The following EPC1 variants were observed in gnomAD, a reference collection of about 807,000 sequenced individuals.
EPC1 encodes the protein enhancer of polycomb 1.
In EPC1, 12 loss-of-function variants were observed where a neutral mutation model predicts 98.4. The ratio of observed to expected loss-of-function variants is 0.12; its 90% CI spans 0.08 to 0.20. The LOEUF is 0.20. EPC1 is among the 10% of genes least tolerant of loss of function. EPC1 has a pLI of 1.00. For missense variants in EPC1, 729 were observed against 990.5 expected (o/e 0.74, Z 3.54); for synonymous variants, 357 against 363.9 (o/e 0.98, Z 0.21).
chr10:32,269,362 T>C (rs1835726995), intron 13 of EPC1: 2 of 404,764 alleles, frequency 4.9e-6, no homozygotes, highest in Non-Finnish European at 9.0e-6. Flanking sequence ...ATCAAAATTA[T>C]AGTAGTACTC....
intron 1 of EPC1, among the ~76,000 whole-genome samples, chr10:32,336,069 T>TTC (rs1272210241): frequency 1.8e-4 from 9 of 50,936 alleles, no homozygotes; most frequent in African/African-American, 2.9e-4. Context: ...TACCTTTTCT[T>TTC]TTTTTTTTTT....
At position 32,271,901 on chromosome 10, in the gene EPC1, T is replaced by C; in HGVS notation, c.2022A>G (p.Leu674=). Residue 674 remains leucine, a synonymous_variant, in exon 13 of 14, where the codon TTA becomes TTG. Coordinates refer to ENST00000319778, the MANE Select transcript of EPC1 (RefSeq NM_001272004.3). Reference sequence around the variant, plus strand: ...CTGTTGGTGTAGTACTACTGAGGTGTAAGCCCTTGTATACTCCTAGAGAGA... The same window carrying C: ...CTGTTGGTGTAGTACTACTGAGGTGCAAGCCCTTGTATACTCCTAGAGAGA... ...VLPASGVYKG[L]HLSSTTPTAL... 1 of 1,613,900 alleles carries C rather than the reference T, an allele frequency of 6.2e-7. No homozygotes were observed.
In EPC1 at chr10:32,305,663, C is replaced by T. The variant is rs954625982; in HGVS notation, c.313+109G>A. On this transcript the variant is annotated intron_variant, in intron 2 of 13. Transcript: ENST00000319778. ...GACTCTACTAACTCTTAAGCTGATG[C>T]TGGTCAATGAAACAAATAACAAAAA... 5.0e-6 allele frequency: 4 copies of T among 799,980 alleles called. No homozygotes were observed. The African/African-American group carries it at 5.4e-5, about 11-fold the overall frequency. The allele number at this position is 799,980 out of a possible 1,614,324, so 49.6% of individuals were successfully genotyped here. A position where few individuals can be genotyped will look rare whatever the true frequency, so the allele number is the denominator to read the frequency against.
Position 32,305,772 on chromosome 10 carries a change from G to T in EPC1, c.313C>A (p.Pro105Thr). 6.3e-7 allele frequency: 1 copy of T among 1,587,932 alleles called. No homozygotes were observed. The highest frequency in any genetic ancestry group is 1.2e-5 in the South Asian group (1 of 85,754). The change falls in exon 2 of 14, where the codon CCT becomes ACT. Residue 105 changes from proline to threonine, a missense_variant and splice_region_variant. Transcript: ENST00000319778. ...KMPKQLIHIQ[P>T]FSLDAEQPDY... ...AATCATTAAGAGAATCATTACTTAC[G>T]CTGTATGTGAATGAGCTGCTTTGGC...
intron 6 of EPC1, 91 bp downstream of exon 6, chr10:32,291,072 C>T (rs545288485): frequency 9.7e-6 from 12 of 1,231,868 alleles, no homozygotes; most frequent in South Asian, 4.2e-5. Context: ...CCACTGTGCC[C>T]GGCCTATGTG....
At chr10:32,345,836 T>A (rs183016743) in intron 1 of EPC1, among the ~76,000 whole-genome samples, 27 of 152,326 alleles carry the variant, frequency 1.8e-4, no homozygotes, top group African/African-American at 5.3e-4. Context: ...TCCTTCGAAA[T>A]TTAGATCTAT....
At chr10:32,283,661 G>A (rs1836519950) in intron 10 of EPC1, 1 of 152,150 alleles carries the variant, frequency 6.6e-6, no homozygotes, top group African/African-American at 2.4e-5. Context: ...TAAGAATGAA[G>A]TACAGAATAC....
intron 2 of EPC1, among the ~76,000 whole-genome samples, chr10:32,304,008 A>G (rs548178620): frequency 1.3e-5 from 2 of 152,356 alleles, no homozygotes; most frequent in South Asian, 2.1e-4. Context: ...CAAAGTATAC[A>G]TCTTTCCAAA....
intron 1 of EPC1, among the ~76,000 whole-genome samples, chr10:32,328,499 T>C (rs997789985): frequency 1.3e-5 from 2 of 152,200 alleles, no homozygotes; most frequent in African/African-American, 4.8e-5. Flanking sequence ...CAACTTTCTA[T>C]AGGAAGCAGG....
At chr10:32,367,737 A>G (rs942455259) in intron 1 of EPC1, among the ~76,000 whole-genome samples, 1 of 152,206 alleles carries the variant, frequency 6.6e-6, no homozygotes, top group Non-Finnish European at 1.5e-5. Context: ...GTTTGTATTT[A>G]TTTGAAAGGA....
In EPC1 at chr10:32,272,050, C is replaced by A. The variant is rs773353774; in HGVS notation, c.1981G>T (p.Val661Leu). 2.5e-6 allele frequency: 4 copies of A among 1,613,608 alleles called. No homozygotes were observed. The highest frequency in any genetic ancestry group is 1.1e-5 in the South Asian group (1 of 90,946). ...MKDDVVLGIG[V>L]NGVLPASGVY... ...CCTGAGGCTGGAAGGACGCCATTCA[C>A]CCCGATTCCAAGCACCACATCATCC... Residue 661 changes from valine (V) to leucine (L), a missense_variant, in exon 12 of 14, where the codon GTG becomes TTG. By Grantham distance (32) the Val-to-Leu change is conservative. Transcript: ENST00000319778.
intron 1 of EPC1, among the ~76,000 whole-genome samples, chr10:32,372,972 T>C (rs1395154601): frequency 6.6e-6 from 1 of 152,180 alleles, no homozygotes; most frequent in African/African-American, 2.4e-5. Flanking sequence ...TGCAATGAGC[T>C]GAGATTGTGC....
intron 1 of EPC1, among the ~76,000 whole-genome samples, chr10:32,362,857 GTGAAGCAGTACCCTTAA>G (rs1839483053): frequency 6.6e-6 from 1 of 152,078 alleles, no homozygotes; most frequent in South Asian, 2.1e-4. Context: ...TGCTGCAGAA[GTGAAGCAGTACCCTTAA>G]GGCAGGAAGC....
At position 32,287,210 on chromosome 10, in the gene EPC1, G is replaced by A. The variant is rs772482957; in HGVS notation, c.1040C>T (p.Ser347Leu). The A allele has an allele frequency of 5.0e-6, 8 of 1,614,160 alleles. No homozygotes were observed. Among genetic ancestry groups the A allele is most frequent in the Admixed American group, 3.3e-5 (2 of 60,026 alleles). The change falls in exon 7 of 14, where the codon TCG (serine) becomes TTG (leucine). Residue 347 changes from serine to leucine, a missense_variant. Transcript: ENST00000319778. ...CTGTTGGGGAGTAGCAGCGGCAGACGATGGTAAGACTTTGGGCTTCTTTTC... is the reference window on the plus strand; with the variant it reads ...CTGTTGGGGAGTAGCAGCGGCAGACAATGGTAAGACTTTGGGCTTCTTTTC... ...KYEKKPKVLP[S>L]SAAATPQQTS...
chr10:32,309,493 C>CTTTTTTTTTTTTTTT (rs67775039), intron 1 of EPC1, among the ~76,000 whole-genome samples: 1 of 142,440 alleles, frequency 7.0e-6, no homozygotes, highest in Non-Finnish European at 1.5e-5. Flanking sequence ...TATTTTCAAG[C>CTTTTTTTTTTTTTTT]TTTTTTTTTT....
intron 13 of EPC1, 62 bp downstream of exon 13, chr10:32,271,492 A>C: frequency 6.5e-7 from 1 of 1,535,872 alleles, no homozygotes; most frequent in South Asian, 1.2e-5. Context: ...GTAAAGAACG[A>C]TGCTGGAGGA....
chr10:32,373,227 G>A (rs1839800018), intron 1 of EPC1, among the ~76,000 whole-genome samples: 1 of 152,126 alleles, frequency 6.6e-6, no homozygotes, highest in Non-Finnish European at 1.5e-5. Flanking sequence ...TGCAAAATGG[G>A]TATAATGATT....
chr10:32,297,946 C>T (rs1317929213), intron 2 of EPC1, among the ~76,000 whole-genome samples: 3 of 151,918 alleles, frequency 2.0e-5, no homozygotes, highest in South Asian at 4.2e-4. Flanking sequence ...TACAGGCGCC[C>T]GCCACCACAC....
chr10:32,309,434 T>A (rs1276992922), intron 1 of EPC1, among the ~76,000 whole-genome samples: 1 of 152,008 alleles, frequency 6.6e-6, no homozygotes, highest in African/African-American at 2.4e-5. Flanking sequence ...TAATAAAAAA[T>A]TTAAAAAATT....
Sources: gnomAD v4.1 joint callset for allele counts (sites outside exome capture counted in the v4.1 genomes callset) on GRCh38, gnomAD v4.1.1 for gene constraint, MANE v1.5 for transcripts, NCBI Gene and HGNC (gene_info 2026-07-23, HGNC 2026-07-21) for gene names.